Variants in ALK observed in about 807,000 individuals in gnomAD.
ALK encodes the protein ALK tyrosine kinase receptor.
In ALK, 74 loss-of-function variants were observed where a neutral mutation model predicts 163.1. That is an observed-to-expected ratio of 0.45 (90% confidence interval 0.38 to 0.55). The LOEUF (loss-of-function observed/expected upper bound fraction) is 0.55. Among genes scored for constraint, ALK ranks in the 20% least tolerant of loss-of-function variants. ALK has a pLI of 0.00. For missense variants in ALK, 2,063 were observed against 2,105.3 expected, an observed-to-expected ratio of 0.98 and a Z score of 0.39; for synonymous variants, 960 against 843.2, an observed-to-expected ratio of 1.14 and a Z score of -2.40.
intron 1 of ALK, among the ~76,000 whole-genome samples, chr2:29,810,607 G>C (rs1368910057): frequency 6.6e-6 from 1 of 152,108 alleles, no homozygotes; most frequent in African/African-American, 2.4e-5. Context: ...TCTCCTCCCA[G>C]TTTCAACGTT....
chr2:29,848,103 G>C (rs1665894117), intron 1 of ALK, among the ~76,000 whole-genome samples: 1 of 152,100 alleles, frequency 6.6e-6, no homozygotes, highest in African/African-American at 2.4e-5. Flanking sequence ...CAGCTGCCAG[G>C]GTCCCTGGGG....
chr2:29,208,926 A>G lies in ALK; in HGVS notation c.3836+860T>C, dbSNP rs547659513. On this transcript the variant is annotated intron_variant, in intron 25 of 28. Transcript: ENST00000389048. ...GCTTTTAAAACTGAAAAAAAAAATA[A>G]TTTTTAAAATGTAGTCTTGAAAATG... Among the ~76,000 whole-genome samples, 3 of 152,242 alleles carry G rather than the reference A, an allele frequency of 2.0e-5. No homozygotes were observed. The East Asian group carries it at 5.8e-4, about 29-fold the overall frequency.
intron 5 of ALK, among the ~76,000 whole-genome samples, chr2:29,333,782 G>T (rs1047173890): frequency 6.6e-6 from 1 of 152,018 alleles, no homozygotes; most frequent in Non-Finnish European, 1.5e-5. Context: ...ATGCCTGGCT[G>T]CCTTTTTTTT....
intron 1 of ALK, among the ~76,000 whole-genome samples, chr2:29,881,089 C>T (rs540705892): frequency 7.4e-4 from 112 of 152,202 alleles, no homozygotes; most frequent in African/African-American, 2.3e-3. Flanking sequence ...TGTAGTCTCA[C>T]GGACAACCAG....
At chr2:29,197,952 A>G (rs1669066196) in intron 26 of ALK, among the ~76,000 whole-genome samples, 1 of 152,134 alleles carries the variant, frequency 6.6e-6, no homozygotes, top group Admixed American at 6.5e-5. Flanking sequence ...GCAATTTTGA[A>G]CCTTGACTTT....
intron 4 of ALK, among the ~76,000 whole-genome samples, chr2:29,516,718 A>G (rs914110716): frequency 6.6e-6 from 1 of 152,210 alleles, no homozygotes; most frequent in Non-Finnish European, 1.5e-5. Context: ...GGGGATAATA[A>G]TATGTTACCT....
At chr2:29,603,962 C>T (rs560576220) in intron 3 of ALK, among the ~76,000 whole-genome samples, 1 of 152,118 alleles carries the variant, frequency 6.6e-6, no homozygotes, top group South Asian at 2.1e-4. Flanking sequence ...CCTTCCTATG[C>T]AATTGGTGAT....
chr2:29,828,025 T>C (rs1182254413), intron 1 of ALK, among the ~76,000 whole-genome samples: 1 of 152,168 alleles, frequency 6.6e-6, no homozygotes, highest in Non-Finnish European at 1.5e-5. Context: ...CATCTACAAC[T>C]ATCTGATCTT....
chr2:29,295,648 G>C (rs998256412), intron 9 of ALK, among the ~76,000 whole-genome samples: 3 of 152,184 alleles, frequency 2.0e-5, no homozygotes, highest in Admixed American at 2.0e-4. Context: ...TGAGCTCTTG[G>C]ACATAGCAGA....
intron 11 of ALK, among the ~76,000 whole-genome samples, chr2:29,256,092 G>A (rs533720193): frequency 6.9e-4 from 105 of 152,330 alleles, no homozygotes; most frequent in Admixed American, 5.0e-3. Flanking sequence ...TGAAGTGGAA[G>A]GCAATGGGCA....
chr2:29,682,205 G>T (rs1678092046), intron 3 of ALK, among the ~76,000 whole-genome samples: 1 of 152,172 alleles, frequency 6.6e-6, no homozygotes, highest in Non-Finnish European at 1.5e-5. Flanking sequence ...CACTGGGATA[G>T]AAGAGAGATG....
At chr2:29,838,133 G>T (rs1665609085) in intron 1 of ALK, among the ~76,000 whole-genome samples, 1 of 152,058 alleles carries the variant, frequency 6.6e-6, no homozygotes, top group Non-Finnish European at 1.5e-5. Context: ...AAAGATTAGT[G>T]AACTTGAAGA....
At chr2:29,380,754 C>G (rs987058296) in intron 5 of ALK, among the ~76,000 whole-genome samples, 2 of 152,092 alleles carry the variant, frequency 1.3e-5, no homozygotes, top group African/African-American at 4.8e-5. Context: ...TTTTAAACAT[C>G]CAGATCTTAT....
chr2:29,899,989 G>C (rs578258362), intron 1 of ALK, among the ~76,000 whole-genome samples: 1 of 152,296 alleles, frequency 6.6e-6, no homozygotes, highest in Non-Finnish European at 1.5e-5. Context: ...TGGCTGCTTC[G>C]TGGGCTTCAT....
rs553666787 is a variant in ALK at position 29,715,290 on chromosome 2, C to G, written c.787+2288G>C. Among the ~76,000 whole-genome samples the G allele has an allele frequency of 3.3e-5, 5 of 152,340 alleles. No individual in the cohort carries two copies. The South Asian group carries it at 1.0e-3, about 32-fold the overall frequency. On this transcript the variant is annotated intron_variant, in intron 2 of 28. Transcript: ENST00000389048. ...CAACGATGGTGATGACTTGGGTACT[C>G]TTACCCAGAACTTGGGCAGTAACTG...
chr2:29,589,967 T>C (rs989676196), intron 3 of ALK, among the ~76,000 whole-genome samples: 3 of 152,154 alleles, frequency 2.0e-5, no homozygotes, highest in Non-Finnish European at 2.9e-5. Context: ...TGGAGGTCAT[T>C]GTGTCAAGCT....
At chr2:29,636,706 A>G (rs1339362856) in intron 3 of ALK, among the ~76,000 whole-genome samples, 1 of 152,232 alleles carries the variant, frequency 6.6e-6, no homozygotes, top group Non-Finnish European at 1.5e-5. Context: ...ACTTCTGAGA[A>G]AAGACTAGTA....
At chr2:29,194,208 T>G (rs373541081) in intron 28 of ALK, among the ~76,000 whole-genome samples, 1 of 151,394 alleles carries the variant, frequency 6.6e-6, no homozygotes, top group East Asian at 1.9e-4. Context: ...GGCCAGTTTT[T>G]AAAGATTAGT....
intron 3 of ALK, among the ~76,000 whole-genome samples, chr2:29,591,837 A>T (rs1675068547): frequency 1.3e-5 from 2 of 150,698 alleles, no homozygotes; most frequent in Non-Finnish European, 3.0e-5. Flanking sequence ...CGGTGTCGTC[A>T]GAGCTGAGAC....
Sources: allele counts gnomAD v4.1 joint callset (sites outside exome capture counted in the v4.1 genomes callset), GRCh38; gene constraint gnomAD v4.1.1; transcripts MANE v1.5; gene names NCBI Gene and HGNC (gene_info 2026-07-23, HGNC 2026-07-21).